Variants in SOX6 observed in about 807,000 individuals in gnomAD.
SOX6 encodes transcription factor SOX-6.
A neutral mutation model predicts 97.8 loss-of-function variants in SOX6; 11 were observed. That is an observed-to-expected ratio of 0.11 (90% CI 0.07 to 0.19). SOX6 has a LOEUF of 0.19. Among genes scored for constraint, SOX6 ranks in the 10% least tolerant of loss-of-function variants. The pLI, the probability that SOX6 is intolerant of heterozygous loss-of-function variation, is 1.00. For synonymous variants in SOX6, 360 were observed against 371.4 expected (o/e 0.97, Z 0.35); for missense variants, 810 against 1,039.5 (o/e 0.78, Z 3.04).
intron 3 of SOX6, among the ~76,000 whole-genome samples, chr11:16,698,417 A>C (rs1848069492): frequency 6.6e-6 from 1 of 152,226 alleles, no homozygotes; most frequent in African/African-American, 2.4e-5. Flanking sequence ...GCTTTGACTT[A>C]AGAGAATTTT....
At chr11:16,528,126 T>A (rs1222212932) in intron 4 of SOX6, among the ~76,000 whole-genome samples, 1 of 152,098 alleles carries the variant, frequency 6.6e-6, no homozygotes, top group Non-Finnish European at 1.5e-5. Flanking sequence ...CATGCCCTTC[T>A]TGTAACATAA....
chr11:16,374,593 A>G (rs1707643573), intron 1 of SOX6, among the ~76,000 whole-genome samples: 1 of 152,108 alleles, frequency 6.6e-6, no homozygotes, highest in Non-Finnish European at 1.5e-5. Flanking sequence ...GTGTTATTTA[A>G]GAAACACATG....
At chr11:15,982,963 A>T (rs1853713147) in intron 15 of SOX6, among the ~76,000 whole-genome samples, 1 of 151,892 alleles carries the variant, frequency 6.6e-6, no homozygotes, top group African/African-American at 2.4e-5. Context: ...TTCCCTCTAC[A>T]TTAATAGTAG....
At chr11:16,496,652 C>T (rs368654809) in intron 4 of SOX6, among the ~76,000 whole-genome samples, 6 of 152,206 alleles carry the variant, frequency 3.9e-5, no homozygotes, top group Non-Finnish European at 5.9e-5. Flanking sequence ...TCTTAGCAAA[C>T]GGCACACCAG....
At chr11:16,383,467 A>G (rs1426660779) in intron 1 of SOX6, among the ~76,000 whole-genome samples, 4 of 151,914 alleles carry the variant, frequency 2.6e-5, no homozygotes, top group African/African-American at 4.8e-5. Flanking sequence ...TGCTTCCACC[A>G]CTTACCAATA....
intron 6 of SOX6, among the ~76,000 whole-genome samples, chr11:16,141,676 G>C (rs1850146704): frequency 6.6e-6 from 1 of 152,126 alleles, no homozygotes; most frequent in Non-Finnish European, 1.5e-5. Context: ...TTTTCCAATG[G>C]TCTTAGCAAA....
chr11:16,279,320 T>G (rs1333857125), intron 3 of SOX6, among the ~76,000 whole-genome samples: 2 of 152,146 alleles, frequency 1.3e-5, no homozygotes, highest in African/African-American at 4.8e-5. Flanking sequence ...AGACTTTATA[T>G]GACCTCATTT....
intron 3 of SOX6, among the ~76,000 whole-genome samples, chr11:16,651,647 A>C (rs6486308): frequency 0.99 from 151,346 of 152,236 alleles, 75,240 homozygotes; most frequent in East Asian, 1. Flanking sequence ...GCCATCTATT[A>C]CAAACCCACA....
At position 15,972,998 on chromosome 11, in the gene SOX6, C is replaced by T. The variant is rs776932994; in HGVS notation, c.2298G>A (p.Ser766=). Residue 766 remains serine (S), a synonymous_variant, in exon 16 of 16, where the codon TCG becomes TCA. Transcript: ENST00000683767. ...CCGGGAGGCTGGGCTCCGGGCTGGC[C>T]GAGGTGCTAGAGCAGTCAGATGTCA... is the stretch of plus-strand genomic sequence containing the variant. ...PQMTSDCSST[S]ASPEPSLPVI... 27 of 1,614,018 alleles carry T rather than the reference C, an allele frequency of 1.7e-5. 1 individual carries two copies. In the East Asian group the frequency reaches 2.7e-4, roughly 16 times the overall value.
At chr11:16,709,026 T>C (rs1045781047) in intron 3 of SOX6, among the ~76,000 whole-genome samples, 3 of 152,306 alleles carry the variant, frequency 2.0e-5, no homozygotes, top group Middle Eastern at 3.4e-3. Flanking sequence ...CAATACAGAA[T>C]GAAGAGGTGG....
chr11:16,516,117 G>C (rs1464445453), intron 4 of SOX6, among the ~76,000 whole-genome samples: 2 of 149,656 alleles, frequency 1.3e-5, no homozygotes, highest in African/African-American at 2.5e-5. Flanking sequence ...GGATGGCATT[G>C]AATCTGTAAA....
chr11:16,564,470 T>C (rs1847846647), intron 4 of SOX6, among the ~76,000 whole-genome samples: 1 of 152,150 alleles, frequency 6.6e-6, no homozygotes, highest in African/African-American at 2.4e-5. Flanking sequence ...CAACAGAATC[T>C]AATCAACATT....
At chr11:16,155,218 T>C (rs1327932774) in intron 6 of SOX6, among the ~76,000 whole-genome samples, 1 of 152,118 alleles carries the variant, frequency 6.6e-6, no homozygotes, top group Non-Finnish European at 1.5e-5. Flanking sequence ...TAGATTCTCA[T>C]AGAAAGAGAG....
At chr11:16,093,080 C>G (rs1172689902) in intron 9 of SOX6, among the ~76,000 whole-genome samples, 1 of 151,918 alleles carries the variant, frequency 6.6e-6, no homozygotes, top group Non-Finnish European at 1.5e-5. Flanking sequence ...GAATAAGCAG[C>G]AGTATAATAC....
At chr11:16,022,090 C>T (rs1160322399) in intron 12 of SOX6, among the ~76,000 whole-genome samples, 1 of 152,156 alleles carries the variant, frequency 6.6e-6, no homozygotes, top group Admixed American at 6.5e-5. Context: ...AGACAATGCT[C>T]ATGCCACAAG....
intron 3 of SOX6, among the ~76,000 whole-genome samples, chr11:16,302,559 T>C (rs1215380686): frequency 7.5e-6 from 1 of 134,086 alleles, no homozygotes; most frequent in South Asian, 2.5e-4. Context: ...TTTTTTTTTC[T>C]TTTTTTCTTT....
intron 2 of SOX6, among the ~76,000 whole-genome samples, chr11:16,325,138 CT>C (rs1242032900): frequency 1.3e-5 from 2 of 151,886 alleles, no homozygotes; most frequent in Non-Finnish European, 2.9e-5. Context: ...TGTAAATGTC[CT>C]ATCACAAATA....
intron 6 of SOX6, among the ~76,000 whole-genome samples, chr11:16,163,982 GTGTTT>G (rs1222909737): frequency 1.3e-5 from 2 of 152,066 alleles, no homozygotes; most frequent in Non-Finnish European, 2.9e-5. Context: ...TCTTTTTCAG[GTGTTT>G]TGTTTTGTTT....
intron 10 of SOX6, among the ~76,000 whole-genome samples, chr11:16,050,555 G>A (rs1223955848): frequency 1.3e-5 from 2 of 152,128 alleles, no homozygotes; most frequent in African/African-American, 4.8e-5. Context: ...ACCAAGGATA[G>A]ATTATAATTA....
Sources: allele counts gnomAD v4.1 joint callset (sites outside exome capture counted in the v4.1 genomes callset), GRCh38; gene constraint gnomAD v4.1.1; transcripts MANE v1.5; gene names NCBI Gene and HGNC (gene_info 2026-07-23, HGNC 2026-07-21).